VPS52: variants seen among roughly 807,000 people sequenced by gnomAD.
VPS52 encodes the protein vacuolar protein sorting-associated protein 52 homolog.
In VPS52, 56 loss-of-function variants were observed where a neutral mutation model predicts 98.7. The ratio of observed to expected loss-of-function variants is 0.57; its 90% confidence interval spans 0.46 to 0.71. The LOEUF is 0.71. Among genes scored for constraint, VPS52 ranks in the 30% least tolerant of loss-of-function variants. The pLI, the probability that VPS52 is intolerant of heterozygous loss-of-function variation, is 0.00. For synonymous variants in VPS52, 348 were observed against 346.4 expected (o/e 1.00, Z -0.05); for missense variants, 742 against 925.9 (o/e 0.80, Z 2.58).
chr6:33,264,597 G>T, intron 13 of VPS52, 100 bp from the exon 14 acceptor site: 1 of 1,560,306 alleles, frequency 6.4e-7, no homozygotes, highest in Non-Finnish European at 8.7e-7. Context: ...ATAGCTAGTT[G>T]TGGGGGTTGG....
Position 33,267,937 on chromosome 6 carries a change from T to C in VPS52, c.861A>G (p.Glu287=). Residue 287 remains glutamate, a synonymous_variant, in exon 9 of 20, where the codon GAA becomes GAG. Coordinates refer to ENST00000445902, the MANE Select transcript of VPS52 (RefSeq NM_022553.6). The surrounding 1 kb of genome is among the most constrained non-coding windows in gnomAD (Gnocchi z 4.2). ...ERATAKEIRD[E]YVETLSKIYL... ...AAATCTTGCTCAGCGTCTCCACATA[T>C]TCATCCCTGATCTCCTTTGCTGTTG... The C allele has an allele frequency of 1.2e-6, 2 of 1,613,100 alleles. No individual in the cohort carries two copies. Among genetic ancestry groups the C allele is most frequent in the South Asian group, 1.1e-5 (1 of 91,084 alleles).
intron 17 of VPS52, among the ~76,000 whole-genome samples, chr6:33,255,779 G>A (rs943357708): frequency 2.3e-4 from 34 of 145,734 alleles, no homozygotes; most frequent in African/African-American, 8.6e-4. Flanking sequence ...CTGGGAGACA[G>A]AGGGAGACTC....
chr6:33,269,987 G>C lies in VPS52; in HGVS notation c.228+12C>G. On this transcript the variant is annotated intron_variant, in intron 3 of 19. Transcript: ENST00000445902. ...AGATAGAAGGGCAGATTAGTACAGG[G>C]GAAAGCCTCACCGTTTTAAGAGCTT... is the stretch of plus-strand genomic sequence containing the variant. 6.2e-7 allele frequency: 1 copy of C among 1,614,062 alleles called. No homozygotes were observed. The highest frequency in any genetic ancestry group is 8.5e-7 in the Non-Finnish European group (1 of 1,180,014).
In VPS52 at chr6:33,268,062, C is replaced by T. The variant is rs1182667245; in HGVS notation, c.800+46G>A. The T allele has an allele frequency of 1.2e-6, 2 of 1,612,974 alleles. No homozygotes were observed. Among genetic ancestry groups the T allele is most frequent in the Non-Finnish European group, 8.5e-7 (1 of 1,179,960 alleles). On this transcript the variant is annotated intron_variant, in intron 8 of 19. Coordinates refer to ENST00000445902, the MANE Select transcript of VPS52 (RefSeq NM_022553.6). The surrounding 1 kb of genome is among the most constrained non-coding windows in gnomAD (Gnocchi z 4.0). ...GAAACCAGATGCCCACACTAGGCCG[C>T]TCAAAAACTCAAAGGCCATCCCATG...
intron 1 of VPS52, 91 bp from the exon 2 acceptor site, chr6:33,270,374 G>A (rs1004386991): frequency 1.7e-5 from 21 of 1,254,244 alleles, no homozygotes; most frequent in Non-Finnish European, 2.4e-5. Context: ...AAGTGAGAAG[G>A]AGCTGCTTTT....
intron 17 of VPS52, among the ~76,000 whole-genome samples, chr6:33,257,589 C>G (rs958751023): frequency 6.6e-6 from 1 of 151,840 alleles, no homozygotes; most frequent in Non-Finnish European, 1.5e-5. Context: ...TTAGTAGAGA[C>G]GAGGTTTCAC....
chr6:33,257,427 T>C (rs963015554), intron 17 of VPS52, among the ~76,000 whole-genome samples: 2 of 150,296 alleles, frequency 1.3e-5, no homozygotes, highest in African/African-American at 2.5e-5. Context: ...TTAAACGGAG[T>C]CTCACTCTAT....
At chr6:33,265,211 G>A (rs902180300) in intron 12 of VPS52, among the ~76,000 whole-genome samples, 4 of 152,130 alleles carry the variant, frequency 2.6e-5, no homozygotes, top group African/African-American at 9.7e-5. Flanking sequence ...TGAGTAGCTG[G>A]AATTATAGGC....
At chr6:33,265,204 G>T (rs1426921889) in intron 12 of VPS52, among the ~76,000 whole-genome samples, 1 of 152,130 alleles carries the variant, frequency 6.6e-6, no homozygotes, top group Non-Finnish European at 1.5e-5. Context: ...AGCCTCCTGA[G>T]TAGCTGGAAT....
At chr6:33,255,607 C>T (rs2150800363) in intron 17 of VPS52, among the ~76,000 whole-genome samples, 1 of 150,684 alleles carries the variant, frequency 6.6e-6, no homozygotes, top group Non-Finnish European at 1.5e-5. Flanking sequence ...CATGGTGAAA[C>T]CCCCCGTCTC....
Position 33,250,901 on chromosome 6 carries a change from A to G in VPS52, c.2112T>C (p.Ala704=), listed in dbSNP as rs992720637. 1 of 1,613,080 alleles carries G rather than the reference A, an allele frequency of 6.2e-7. No homozygotes were observed. Among genetic ancestry groups the G allele is most frequent in the Non-Finnish European group, 8.5e-7 (1 of 1,180,026 alleles). ...QPQLRALPAR[A]ELINIHHLMV... ...TAAGGTGGTGAATGTTGATGAGCTCAGCCCGGGCAGGGAGGGCTCGGAGCT... is the reference window on the plus strand; with the variant it reads ...TAAGGTGGTGAATGTTGATGAGCTCGGCCCGGGCAGGGAGGGCTCGGAGCT... Residue 704 remains alanine (A), a synonymous_variant, in exon 20 of 20, where the codon GCT becomes GCC. Transcript: ENST00000445902.
chr6:33,256,303 C>G (rs1762944682), intron 17 of VPS52, among the ~76,000 whole-genome samples: 1 of 150,362 alleles, frequency 6.7e-6, no homozygotes, highest in South Asian at 2.1e-4. Context: ...TTTGTATTCT[C>G]TACAGAAAAA....
intron 12 of VPS52, among the ~76,000 whole-genome samples, chr6:33,265,633 A>G (rs1033721685): frequency 1.4e-4 from 21 of 152,042 alleles, no homozygotes; most frequent in African/African-American, 4.8e-4. Context: ...TGGTCTCCCA[A>G]AGTACTGGGA....
Position 33,251,987 on chromosome 6 carries a change from C to T in VPS52, c.1795-16G>A. On this transcript the variant is annotated splice_polypyrimidine_tract_variant and intron_variant, in intron 17 of 19. Transcript: ENST00000445902. Reference sequence around the variant, plus strand: ...CAATGAATTCCTGGAAAGACACAAACACATATACACAGGTGTCCTGGTGTC... The same window carrying T: ...CAATGAATTCCTGGAAAGACACAAATACATATACACAGGTGTCCTGGTGTC... 6.2e-7 allele frequency: 1 copy of T among 1,607,040 alleles called. No individual in the cohort carries two copies. The highest frequency in any genetic ancestry group is 8.5e-7 in the Non-Finnish European group (1 of 1,174,720).
chr6:33,267,127 GCCTTCCCTCC>G lies in VPS52; in HGVS notation c.1125+51_1125+60del. ...TTGGGAAGCTCTGCCCTGAGGTCTG[GCCTTCCCTCC>G]CCACCGTGCTCAGAGCCTCTTTCGT... On this transcript the variant is annotated intron_variant, in intron 11 of 19. Coordinates refer to ENST00000445902, the MANE Select transcript of VPS52 (RefSeq NM_022553.6). The surrounding 1 kb of genome is among the most constrained non-coding windows in gnomAD (Gnocchi z 4.2). 6.9e-7 allele frequency: 1 copy of G among 1,450,690 alleles called. No homozygotes were observed. 89.9% of individuals were successfully genotyped at this position (1,450,690 alleles called of 1,614,324 possible).
At chr6:33,252,121 A>C in intron 17 of VPS52, 150 bp from the exon 18 acceptor site, 1 of 657,918 alleles carries the variant, frequency 1.5e-6, no homozygotes. Flanking sequence ...AAATATCCTC[A>C]ATCCTAATTT....
chr6:33,264,807 T>C lies in VPS52; in HGVS notation c.1375A>G (p.Lys459Glu). The change falls in exon 13 of 20, where the codon AAG becomes GAG. Residue 459 changes from lysine to glutamate, a missense_variant. Lys to Glu is a moderately conservative substitution (Grantham distance 56). Coordinates refer to ENST00000445902, the MANE Select transcript of VPS52 (RefSeq NM_022553.6). ...CTGTCCAGGGCAGGAACATCCCTCT[T>C]TGCTGCAATGTTACGGAACCGGAGA... ...IVLRFRNIAA[K>E]RDVPALDRYW... 1 of 1,613,054 alleles carries C rather than the reference T, an allele frequency of 6.2e-7. No individual in the cohort carries two copies. Among genetic ancestry groups the C allele is most frequent in the Non-Finnish European group, 8.5e-7 (1 of 1,180,010 alleles).
chr6:33,256,150 A>G (rs1762917968), intron 17 of VPS52, among the ~76,000 whole-genome samples: 1 of 152,182 alleles, frequency 6.6e-6, no homozygotes. Context: ...AACGACTTAC[A>G]GTGTCTTTGT....
chr6:33,271,343 A>C, intron 1 of VPS52: 1 of 698,160 alleles, frequency 1.4e-6, no homozygotes, highest in Admixed American at 2.0e-5. Context: ...TTTACACTAT[A>C]CTACTTCGTG....
Sources: allele counts gnomAD v4.1 joint callset (sites outside exome capture counted in the v4.1 genomes callset), GRCh38; gene constraint gnomAD v4.1.1; non-coding constraint Gnocchi (gnomAD v3.1); transcripts MANE v1.5; gene names NCBI Gene and HGNC (gene_info 2026-07-23, HGNC 2026-07-21).